Variants in CSMD2 observed in about 807,000 individuals in gnomAD.
CSMD2 encodes the protein CUB and sushi domain-containing protein 2.
CSMD2 carries 130 observed loss-of-function variants against 398.5 expected under a neutral mutation model. That is an observed-to-expected ratio of 0.33 (90% CI 0.28 to 0.38). CSMD2 has a LOEUF of 0.38. Among genes scored for constraint, CSMD2 ranks in the 10% least tolerant of loss-of-function variants. The pLI, the probability that CSMD2 is intolerant of heterozygous loss-of-function variation, is 1.00. For synonymous variants in CSMD2, 1,828 were observed against 1,908.5 expected, an observed-to-expected ratio of 0.96 and a Z score of 1.10; for missense variants, 3,829 against 4,764.9, an observed-to-expected ratio of 0.80 and a Z score of 5.78.
chr1:33,644,852 G>A, intron 29 of CSMD2, among the ~76,000 whole-genome samples: 1 of 152,136 alleles, frequency 6.6e-6, no homozygotes, highest in East Asian at 1.9e-4. Context: ...TTACCAAATG[G>A]CAGGTGCCTG....
intron 1 of CSMD2, among the ~76,000 whole-genome samples, chr1:34,110,073 G>T (rs868395523): frequency 9.2e-5 from 13 of 141,820 alleles, no homozygotes; most frequent in Non-Finnish European, 1.4e-4. Flanking sequence ...ACATATATGA[G>T]ACTAACAAGC....
At chr1:33,762,641 G>A (rs2149305775) in intron 13 of CSMD2, among the ~76,000 whole-genome samples, 1 of 152,296 alleles carries the variant, frequency 6.6e-6, no homozygotes, top group South Asian at 2.1e-4. Flanking sequence ...TTTTGCCTGT[G>A]CTACAATCTT....
chr1:33,968,145 G>A (rs950979392), intron 3 of CSMD2, among the ~76,000 whole-genome samples: 1 of 152,126 alleles, frequency 6.6e-6, no homozygotes, highest in African/African-American at 2.4e-5. Flanking sequence ...CCCACACTTC[G>A]GGGAGCCTGT....
In CSMD2 at chr1:34,128,047, G is replaced by A. The variant is rs576207114; in HGVS notation, c.187+36864C>T. 1.4e-3 allele frequency among the ~76,000 whole-genome samples: 219 copies of A among 152,254 alleles called. 1 individual carries two copies. The highest frequency in any genetic ancestry group is 5.1e-3 in the African/African-American group (210 of 41,540). On this transcript the variant is annotated intron_variant, in intron 1 of 70. Coordinates refer to ENST00000373381, the MANE Select transcript of CSMD2 (RefSeq NM_001281956.2). ...GTTCTTGATTTCTTCCTTGTGGGAA[G>A]TGGCCTCTTCCTCCACCTTCTCAGC...
chr1:34,004,307 T>C (rs1037653551), intron 3 of CSMD2, among the ~76,000 whole-genome samples: 1 of 152,190 alleles, frequency 6.6e-6, no homozygotes, highest in Non-Finnish European at 1.5e-5. Flanking sequence ...CCCTGGAACT[T>C]AAGCCAATAG....
Position 33,864,858 on chromosome 1 carries a change from T to C in CSMD2, c.921-17862A>G, listed in dbSNP as rs1213634303. On this transcript the variant is annotated intron_variant, in intron 5 of 70. Coordinates refer to ENST00000373381, the MANE Select transcript of CSMD2 (RefSeq NM_001281956.2). ...GACTGATGCTTTGTGGAGGAGGGAG[T>C]GGCTTGGTAGAGGAGAGACTGATCC... 6.9e-6 allele frequency: 6 copies of C among 874,488 alleles called. No individual in the cohort carries two copies. The African/African-American group carries it at 9.0e-5, about 13-fold the overall frequency. The allele number at this position is 874,488 out of a possible 1,614,324, so 54.2% of individuals were successfully genotyped here. A position where few individuals can be genotyped will look rare whatever the true frequency, so the allele number is the denominator to read the frequency against.
intron 5 of CSMD2, among the ~76,000 whole-genome samples, chr1:33,861,041 T>C (rs987281520): frequency 6.6e-6 from 1 of 152,216 alleles, no homozygotes; most frequent in African/African-American, 2.4e-5. Flanking sequence ...CTTATCCTTG[T>C]ATGGAGATAA....
intron 52 of CSMD2, among the ~76,000 whole-genome samples, chr1:33,568,065 A>G (rs1659224449): frequency 6.6e-6 from 1 of 151,680 alleles, no homozygotes; most frequent in South Asian, 2.1e-4. Context: ...CAAAATGATC[A>G]GTTACCTCAC....
intron 16 of CSMD2, 115 bp from the exon 17 acceptor site, chr1:33,725,651 G>A (rs1646504990): frequency 1.1e-6 from 1 of 884,502 alleles, no homozygotes; most frequent in Non-Finnish European, 1.8e-6. Flanking sequence ...GGCAGGCTGG[G>A]ATCTTTTAAT....
intron 27 of CSMD2, among the ~76,000 whole-genome samples, chr1:33,653,652 C>T (rs1404815779): frequency 6.6e-6 from 1 of 152,112 alleles, no homozygotes; most frequent in Admixed American, 6.5e-5. Flanking sequence ...GGGGCAGCTT[C>T]CCCAGAGCCT....
intron 41 of CSMD2, chr1:33,606,035 G>A (rs1316396984): frequency 1.3e-6 from 2 of 1,579,640 alleles, no homozygotes; most frequent in African/African-American, 2.7e-5. Flanking sequence ...TGGGCTAAGG[G>A]ACGTGTGGCT....
At chr1:34,030,617 A>C (rs1650290161) in intron 3 of CSMD2, among the ~76,000 whole-genome samples, 2 of 152,170 alleles carry the variant, frequency 1.3e-5, no homozygotes, top group Admixed American at 1.3e-4. Context: ...TCCAGGTGAC[A>C]GTGTCTGTTT....
chr1:33,868,778 A>G (rs571209456), intron 5 of CSMD2, among the ~76,000 whole-genome samples: 3 of 152,250 alleles, frequency 2.0e-5, no homozygotes, highest in African/African-American at 7.2e-5. Flanking sequence ...ACATATATCG[A>G]ATCAGTTTTT....
At chr1:33,695,675 C>G (rs573705799) in intron 24 of CSMD2, among the ~76,000 whole-genome samples, 1 of 152,202 alleles carries the variant, frequency 6.6e-6, no homozygotes, top group Non-Finnish European at 1.5e-5. Context: ...GCAGTGCCAT[C>G]AACGGATCTT....
At chr1:33,575,046 A>G (rs1659943500) in intron 49 of CSMD2, among the ~76,000 whole-genome samples, 1 of 152,174 alleles carries the variant, frequency 6.6e-6, no homozygotes, top group Non-Finnish European at 1.5e-5. Context: ...CTCCAGCCTG[A>G]GATACTAAAA....
intron 37 of CSMD2, 95 bp downstream of exon 37, chr1:33,622,072 A>G (rs1641808489): frequency 1.1e-6 from 1 of 910,140 alleles, no homozygotes; most frequent in Non-Finnish European, 1.8e-6. Context: ...GGGATGGACA[A>G]TATGCAGCTC....
intron 1 of CSMD2, among the ~76,000 whole-genome samples, chr1:34,101,789 G>A (rs946850689): frequency 1.3e-5 from 2 of 150,700 alleles, no homozygotes; most frequent in East Asian, 1.9e-4. Context: ...TTTATGCATC[G>A]CATGTGCTAT....
chr1:34,125,374 G>A (rs1571198858), intron 1 of CSMD2, among the ~76,000 whole-genome samples: 1 of 152,310 alleles, frequency 6.6e-6, no homozygotes, highest in East Asian at 1.9e-4. Flanking sequence ...CCCTTGGCCA[G>A]GGAAACTTGC....
intron 3 of CSMD2, among the ~76,000 whole-genome samples, chr1:33,945,046 A>AT (rs1311041435): frequency 6.6e-6 from 1 of 152,082 alleles, no homozygotes; most frequent in Admixed American, 6.5e-5. Flanking sequence ...AAAGACATCC[A>AT]TCATTGCACC....
Sources: gnomAD v4.1 joint callset for allele counts (sites outside exome capture counted in the v4.1 genomes callset) on GRCh38, gnomAD v4.1.1 for gene constraint, MANE v1.5 for transcripts, NCBI Gene and HGNC (gene_info 2026-07-23, HGNC 2026-07-21) for gene names.